The following NKD1 variants were observed in gnomAD, a reference collection of about 807,000 sequenced individuals.
NKD1 encodes protein naked cuticle homolog 1.
NKD1 carries 21 observed loss-of-function variants against 56.0 expected under a neutral mutation model. The observed-to-expected ratio is 0.38, with a 90% CI of 0.27 to 0.54. The LOEUF (loss-of-function observed/expected upper bound fraction) is 0.54, where lower values mean the gene tolerates loss of function less well. Among genes scored for constraint, NKD1 ranks in the 20% least tolerant of loss-of-function variants. The pLI, the probability that NKD1 is intolerant of heterozygous loss-of-function variation, is 0.82. For synonymous variants in NKD1, 263 were observed against 265.7 expected, an observed-to-expected ratio of 0.99 and a Z score of 0.10; for missense variants, 578 against 642.7, an observed-to-expected ratio of 0.90 and a Z score of 1.09.
At position 50,610,517 on chromosome 16, in the gene NKD1, G is replaced by A. The variant is rs530154083; in HGVS notation, c.259+2157G>A. Among the ~76,000 whole-genome samples the A allele has an allele frequency of 6.2e-4, 95 of 152,356 alleles. 1 individual carries two copies. The highest frequency in any genetic ancestry group is 2.2e-3 in the African/African-American group (92 of 41,590). On this transcript the variant is annotated intron_variant, in intron 4 of 9. Transcript: ENST00000268459. Reference sequence around the variant, plus strand: ...ACTGAGTTCTGGCCACAGAAAACCAGCTGCCTGCTCTGGACCTGGGACTGA... The same window carrying A: ...ACTGAGTTCTGGCCACAGAAAACCAACTGCCTGCTCTGGACCTGGGACTGA...
rs1962536023 is a variant in NKD1, at chr16:50,639,430, TTC to T, written c.*5651_*5652del. On this transcript the variant is annotated 3_prime_UTR_variant, in exon 10 of 10. Transcript: ENST00000268459. Reference sequence around the variant, plus strand: ...GTTGTGGTTGGGCCCGTAGAAAACATTCTGAGAGTCCTGTTGCCTGTGCCTTG... The same window carrying T: ...GTTGTGGTTGGGCCCGTAGAAAACATTGAGAGTCCTGTTGCCTGTGCCTTG... The T allele has an allele frequency of 6.6e-6, 1 of 152,240 alleles. No individual in the cohort carries two copies. Among genetic ancestry groups the T allele is most frequent in the Non-Finnish European group, 1.5e-5 (1 of 68,066 alleles). 9.4% of individuals were successfully genotyped at this position (152,240 alleles called of 1,614,324 possible). A position where few individuals can be genotyped will look rare whatever the true frequency, so the allele number is the denominator to read the frequency against.
At chr16:50,571,937 C>T (rs1180351509) in intron 3 of NKD1, among the ~76,000 whole-genome samples, 3 of 152,176 alleles carry the variant, frequency 2.0e-5, no homozygotes, top group Non-Finnish European at 2.9e-5. Context: ...CATCCCCGGC[C>T]GCCCTTCACC....
At chr16:50,625,194 C>G (rs1042946916) in intron 5 of NKD1, 2 of 453,648 alleles carry the variant, frequency 4.4e-6, no homozygotes, top group Non-Finnish European at 8.0e-6. Context: ...TTTTCTGAGG[C>G]CACAGTGCCT....
In NKD1 at chr16:50,589,761, T is replaced by TCTCTTCTCTTCTCTTCTCTC. The variant is rs1961318792; in HGVS notation, c.193-18529_193-18528insTCTCTTCTCTTCTCTCCTCT. Among the ~76,000 whole-genome samples, 2 of 47,852 alleles carry TCTCTTCTCTTCTCTTCTCTC rather than the reference T, an allele frequency of 4.2e-5. 1 individual carries two copies. Among genetic ancestry groups the TCTCTTCTCTTCTCTTCTCTC allele is most frequent in the Non-Finnish European group, 8.3e-5 (2 of 23,974 alleles). 31.4% of individuals were successfully genotyped at this position (47,852 alleles called of 152,430 possible). On this transcript the variant is annotated intron_variant, in intron 3 of 9. Transcript: ENST00000268459. ...TCTCTTCTCTTCTCTTCTCTTCTCT[T>TCTCTTCTCTTCTCTTCTCTC]CTCTCCTCTCCTCTCCTCTCCTCTC...
chr16:50,604,717 C>T (rs1452893160), intron 3 of NKD1, among the ~76,000 whole-genome samples: 1 of 152,250 alleles, frequency 6.6e-6, no homozygotes, highest in Non-Finnish European at 1.5e-5. Context: ...TCCATGCCCT[C>T]TGCACAGGGG....
At chr16:50,564,635 G>C (rs996584534) in intron 3 of NKD1, among the ~76,000 whole-genome samples, 1 of 152,158 alleles carries the variant, frequency 6.6e-6, no homozygotes, top group African/African-American at 2.4e-5. Flanking sequence ...CCAGGTGGAT[G>C]AGGTTCAGAG....
intron 4 of NKD1, among the ~76,000 whole-genome samples, chr16:50,618,752 G>T (rs996845029): frequency 6.6e-6 from 1 of 152,300 alleles, no homozygotes; most frequent in African/African-American, 2.4e-5. Flanking sequence ...TTCACTGACC[G>T]TCGGCTGACC....
In NKD1 at chr16:50,633,758, T is replaced by C. The variant is rs1596763379; in HGVS notation, c.1390T>C (p.Tyr464His). 1 of 1,509,536 alleles carries C rather than the reference T, an allele frequency of 6.6e-7. No individual in the cohort carries two copies. Among genetic ancestry groups the C allele is most frequent in the African/African-American group, 1.4e-5 (1 of 72,522 alleles). The allele number at this position is 1,509,536 out of a possible 1,614,324, so 93.5% of individuals were successfully genotyped here. The part of the protein sequence containing the change: ...HHHHHEHHHH[Y>H]HHFYQT Reference sequence around the variant, plus strand: ...CCACCACCATGAACATCACCACCATTACCACCACTTCTACCAGACATAGAG... The same window carrying C: ...CCACCACCATGAACATCACCACCATCACCACCACTTCTACCAGACATAGAG... Residue 464 changes from tyrosine (Y) to histidine (H), a missense_variant, in exon 10 of 10, where the codon TAC becomes CAC. Transcript: ENST00000268459. The surrounding 1 kb of genome is among the most constrained non-coding windows in gnomAD (Gnocchi z 4.9).
At chr16:50,582,961 T>C (rs2151269702) in intron 3 of NKD1, among the ~76,000 whole-genome samples, 1 of 152,248 alleles carries the variant, frequency 6.6e-6, no homozygotes, top group East Asian at 1.9e-4. Flanking sequence ...GAGCCGAGAT[T>C]GCGCCCCTGC....
chr16:50,590,782 A>T (rs937389518), intron 3 of NKD1, among the ~76,000 whole-genome samples: 4 of 152,220 alleles, frequency 2.6e-5, no homozygotes, highest in African/African-American at 9.6e-5. Context: ...CTTTACTGCC[A>T]TTATGAGTTT....
chr16:50,626,095 G>A (rs916808853), intron 6 of NKD1, among the ~76,000 whole-genome samples: 2 of 152,222 alleles, frequency 1.3e-5, no homozygotes, highest in African/African-American at 4.8e-5. Context: ...CAGTGGCTCT[G>A]CAGTCACAGC....
At chr16:50,571,653 C>T (rs1210083568) in intron 3 of NKD1, 6 of 376,180 alleles carry the variant, frequency 1.6e-5, no homozygotes, top group Middle Eastern at 1.3e-3. Flanking sequence ...GGACACCTTT[C>T]GTCAATCTAT....
chr16:50,581,541 T>G (rs118117397), intron 3 of NKD1, among the ~76,000 whole-genome samples: 168 of 152,376 alleles, frequency 1.1e-3, no homozygotes, highest in Non-Finnish European at 2.0e-3. Context: ...ATCGAGGGCT[T>G]CCCAAAGATG....
At position 50,633,651 on chromosome 16, in the gene NKD1, GGCGGGAGCACCT is replaced by G. The variant is rs1397633303; in HGVS notation, c.1292_1303del (p.His431_Glu434del). ...CTGGCCTCAGGTGGCCCTGTCCTGGGGCGGGAGCACCTGCGGGAGCTGCCCGCCTTGGTGGTG... is the reference window on the plus strand; with the variant it reads ...CTGGCCTCAGGTGGCCCTGTCCTGGGGCGGGAGCTGCCCGCCTTGGTGGTG... On this transcript the variant is annotated inframe_deletion, in exon 10 of 10. Transcript: ENST00000268459. This position sits in a 1 kb window ranked among gnomAD's most constrained non-coding sequence, Gnocchi z 4.9. 1 of 1,606,136 alleles carries G rather than the reference GGCGGGAGCACCT, an allele frequency of 6.2e-7. No individual in the cohort carries two copies. The highest frequency in any genetic ancestry group is 8.5e-7 in the Non-Finnish European group (1 of 1,177,020).
chr16:50,633,498 C>T lies in NKD1; in HGVS notation c.1130C>T (p.Ala377Val), dbSNP rs200914567. The stretch of plus-strand genomic sequence containing the variant: ...CCCCCTCTGGGACCCGCCATCCCTG[C>T]GGTGTCCCCCTCCGCCCACCTGGCT... ...NKPPLGPAIP[A>V]VSPSAHLAAS... Residue 377 changes from alanine to valine, a missense_variant, in exon 10 of 10, where the codon GCG becomes GTG. By Grantham distance (64) the Ala-to-Val change is moderately conservative (BLOSUM62 0). Transcript: ENST00000268459. This position sits in a 1 kb window ranked among gnomAD's most constrained non-coding sequence, Gnocchi z 4.9. The T allele has an allele frequency of 8.3e-5, 133 of 1,610,000 alleles. No individual in the cohort carries two copies. Among genetic ancestry groups the T allele is most frequent in the Admixed American group, 6.4e-4 (38 of 59,702 alleles).
intron 4 of NKD1, among the ~76,000 whole-genome samples, chr16:50,621,063 G>A (rs1962075109): frequency 6.6e-6 from 1 of 152,390 alleles, no homozygotes; most frequent in African/African-American, 2.4e-5. Context: ...GTGCGCTTGT[G>A]CATACATGTA....
At chr16:50,548,615 G>C in intron 1 of NKD1, 37 bp downstream of exon 1, 1 of 1,441,360 alleles carries the variant, frequency 6.9e-7, no homozygotes. Context: ...CCCGGGCCCC[G>C]CCGCCGTCGC....
intron 3 of NKD1, among the ~76,000 whole-genome samples, chr16:50,592,021 G>A (rs925177746): frequency 6.6e-6 from 1 of 152,224 alleles, no homozygotes; most frequent in Admixed American, 6.5e-5. Flanking sequence ...GTCTCAGATT[G>A]GAGAAGCCCA....
chr16:50,605,002 G>A (rs753563680), intron 3 of NKD1, among the ~76,000 whole-genome samples: 7 of 152,224 alleles, frequency 4.6e-5, no homozygotes, highest in Non-Finnish European at 8.8e-5. Flanking sequence ...TCCCTGGTAG[G>A]TGCCAGGACT....
Sources: allele counts gnomAD v4.1 joint callset (sites outside exome capture counted in the v4.1 genomes callset), GRCh38; gene constraint gnomAD v4.1.1; non-coding constraint Gnocchi (gnomAD v3.1); transcripts MANE v1.5; gene names NCBI Gene and HGNC (gene_info 2026-07-23, HGNC 2026-07-21).